Variants in PRKG1 observed in about 807,000 individuals in gnomAD.
The protein encoded by PRKG1 is protein kinase cGMP-dependent 1.
A neutral mutation model predicts 88.1 loss-of-function variants in PRKG1; 35 were observed. The ratio of observed to expected loss-of-function variants is 0.40; its 90% CI spans 0.30 to 0.53. PRKG1 has a LOEUF of 0.53. Among genes scored for constraint, PRKG1 ranks in the 20% least tolerant of loss-of-function variants. The probability of loss-of-function intolerance (pLI) is 0.59; values close to 1 mark genes in which losing one functional copy is unlikely to be tolerated. For synonymous variants in PRKG1, 303 were observed against 292.5 expected (o/e 1.04, Z -0.37); for missense variants, 540 against 839.8 (o/e 0.64, Z 4.41).
intron 3 of PRKG1, among the ~76,000 whole-genome samples, chr10:51,720,082 GA>G (rs1311970131): frequency 6.6e-6 from 1 of 152,292 alleles, no homozygotes; most frequent in East Asian, 1.9e-4. Flanking sequence ...AAATAGGAGA[GA>G]GGGGCGGGAA....
In PRKG1 at chr10:51,449,871, G is replaced by A. The variant is rs191545222; in HGVS notation, c.479-17852G>A. 1.4e-3 allele frequency among the ~76,000 whole-genome samples: 217 copies of A among 151,518 alleles called. 2 individuals are homozygous for A. The highest frequency in any genetic ancestry group is 5.0e-3 in the African/African-American group (208 of 41,338). On this transcript the variant is annotated intron_variant, in intron 2 of 17. Transcript: ENST00000373980. ...CTTTTCTGAAGTCTGGGCATAGTTAGGATTTATGAAAGAAAAAAGAAATCA... is the reference window on the plus strand; with the variant it reads ...CTTTTCTGAAGTCTGGGCATAGTTAAGATTTATGAAAGAAAAAAGAAATCA...
intron 3 of PRKG1, among the ~76,000 whole-genome samples, chr10:51,543,609 C>T (rs1842368609): frequency 6.6e-6 from 1 of 152,190 alleles, no homozygotes; most frequent in Admixed American, 6.6e-5. Context: ...ACCAGTTGTG[C>T]AGAATGTGCA....
chr10:51,412,180 T>TGAGAGTGAGA (rs1838106627), intron 2 of PRKG1, among the ~76,000 whole-genome samples: 1 of 125,276 alleles, frequency 8.0e-6, no homozygotes, highest in African/African-American at 3.0e-5. Context: ...GGAGAGAGAG[T>TGAGAGTGAGA]GAGAGAGAGA....
intron 2 of PRKG1, among the ~76,000 whole-genome samples, chr10:51,262,581 A>T (rs1839739679): frequency 6.6e-6 from 1 of 152,216 alleles, no homozygotes; most frequent in Admixed American, 6.5e-5. Context: ...CCCATGTATT[A>T]GTCCATTCTC....
chr10:51,195,235 A>G (rs1472391682), intron 2 of PRKG1, among the ~76,000 whole-genome samples: 1 of 152,240 alleles, frequency 6.6e-6, no homozygotes, highest in Admixed American at 6.5e-5. Flanking sequence ...CATCTTATTC[A>G]TCAATTTATG....
intron 5 of PRKG1, among the ~76,000 whole-genome samples, chr10:51,912,333 G>A (rs1285255342): frequency 2.6e-5 from 4 of 152,164 alleles, no homozygotes; most frequent in Admixed American, 2.0e-4. Context: ...AATGTAATGG[G>A]GAGATTTTTA....
At chr10:51,624,485 G>A (rs748566405) in intron 3 of PRKG1, among the ~76,000 whole-genome samples, 1 of 152,194 alleles carries the variant, frequency 6.6e-6, no homozygotes, top group African/African-American at 2.4e-5. Flanking sequence ...CTGAAGCTCA[G>A]TGTTCAATTC....
chr10:51,733,864 G>A (rs1837187350), intron 3 of PRKG1, among the ~76,000 whole-genome samples: 1 of 152,022 alleles, frequency 6.6e-6, no homozygotes, highest in Non-Finnish European at 1.5e-5. Context: ...GTGTTCTCAA[G>A]TTTGAACTTC....
At chr10:51,509,052 A>G (rs556678259) in intron 3 of PRKG1, among the ~76,000 whole-genome samples, 1 of 152,286 alleles carries the variant, frequency 6.6e-6, no homozygotes, top group Non-Finnish European at 1.5e-5. Flanking sequence ...TTTCAGTGTC[A>G]GCCAAATATA....
chr10:51,499,901 G>A (rs1465701052), intron 3 of PRKG1, among the ~76,000 whole-genome samples: 2 of 152,184 alleles, frequency 1.3e-5, no homozygotes, highest in Admixed American at 6.5e-5. Flanking sequence ...CGAGGCTGCA[G>A]TGAGCCAGGA....
Position 51,060,004 on chromosome 10 carries a change from T to C in PRKG1, c.266+68360T>C, listed in dbSNP as rs1293609422. On this transcript the variant is annotated intron_variant, in intron 1 of 17. Transcript: ENST00000401604. ...AATGTGAAGGCTGTTATTTAGTGCA[T>C]ATAAATTTAGAATTATAATTACTTT... is the stretch of plus-strand genomic sequence containing the variant. Among the ~76,000 whole-genome samples, 5 of 152,178 alleles carry C rather than the reference T, an allele frequency of 3.3e-5. No homozygotes were observed. In the East Asian group the frequency reaches 9.6e-4, roughly 29 times the overall value.
At chr10:52,234,476 T>G (rs1242399756) in intron 9 of PRKG1, among the ~76,000 whole-genome samples, 1 of 151,106 alleles carries the variant, frequency 6.6e-6, no homozygotes, top group African/African-American at 2.4e-5. Context: ...TTAAAGGAGC[T>G]GATGGAGCTG....
rs1842326783 is a variant in PRKG1 at position 52,293,878 on chromosome 10, C to G, written c.2039C>G (p.Ser680Ter). ...GATGAACCACCACCTGATGACAACT[C>G]AGGATGGGATATAGACTTCTAATGT... ...DNDEPPPDDN[S>*]GWDIDF is the part of the protein sequence containing the mutation. The change falls in exon 18 of 18, where the codon TCA (serine) becomes TGA (stop). Residue 680 changes from serine to a stop codon, truncating the protein, a stop_gained. Transcript: ENST00000373980. LOFTEE classifies it high-confidence loss of function. The G allele has an allele frequency of 6.2e-7, 1 of 1,611,702 alleles. No individual in the cohort carries two copies. Among genetic ancestry groups the G allele is most frequent in the South Asian group, 1.1e-5 (1 of 90,940 alleles).
intron 7 of PRKG1, among the ~76,000 whole-genome samples, chr10:52,070,547 A>G (rs1376325724): frequency 1.3e-5 from 2 of 152,100 alleles, no homozygotes; most frequent in Non-Finnish European, 2.9e-5. Context: ...GAAAATTCTC[A>G]GCATTATTTC....
intron 2 of PRKG1, among the ~76,000 whole-genome samples, chr10:51,325,739 A>G (rs1841574388): frequency 6.6e-6 from 1 of 152,138 alleles, no homozygotes; most frequent in Admixed American, 6.5e-5. Flanking sequence ...GTAGTTTTAT[A>G]GTTTCTTTCC....
chr10:51,326,290 T>C (rs562514471), intron 2 of PRKG1, among the ~76,000 whole-genome samples: 2 of 152,322 alleles, frequency 1.3e-5, no homozygotes, highest in East Asian at 3.9e-4. Flanking sequence ...CTCATTTCAG[T>C]TTTCAAGTCA....
Position 51,095,396 on chromosome 10 carries a change from T to G in PRKG1, c.311+20495T>G, listed in dbSNP as rs142525705. Among the ~76,000 whole-genome samples, 40 of 152,282 alleles carry G rather than the reference T, an allele frequency of 2.6e-4. No homozygotes were observed. In the East Asian group the frequency reaches 7.4e-3, roughly 28 times the overall value. On this transcript the variant is annotated intron_variant, in intron 1 of 17. Transcript: ENST00000373980. The stretch of plus-strand genomic sequence containing the variant: ...TAATCAAATACCTAAACGCTGGTAA[T>G]GCACACTTAACTCAGGTTCAAGCGG...
At chr10:51,780,281 C>T (rs577737150) in intron 3 of PRKG1, among the ~76,000 whole-genome samples, 4 of 152,090 alleles carry the variant, frequency 2.6e-5, no homozygotes, top group Admixed American at 2.6e-4. Flanking sequence ...TCCTCCTTTC[C>T]CTACATACTT....
rs577578338 is a variant in PRKG1 at position 51,617,768 on chromosome 10, A to G, written c.592+149932A>G. Among the ~76,000 whole-genome samples the G allele has an allele frequency of 9.4e-4, 143 of 152,268 alleles. 3 individuals carry two copies. The South Asian group carries it at 0.021, about 23-fold the overall frequency. ...TCTCAGAATGTTTTCCTGTCACTAA[A>G]TTACACATGACTATATTTTGAAACC... On this transcript the variant is annotated intron_variant, in intron 3 of 17. Coordinates refer to ENST00000373980, the MANE Select transcript of PRKG1 (RefSeq NM_006258.4).
Sources: gnomAD v4.1 joint callset for allele counts (sites outside exome capture counted in the v4.1 genomes callset) on GRCh38, gnomAD v4.1.1 for gene constraint, MANE v1.5 for transcripts, NCBI Gene and HGNC (gene_info 2026-07-23, HGNC 2026-07-21) for gene names.